SPATA20: variants seen among roughly 807,000 people sequenced by gnomAD.
SPATA20 encodes the protein spermatogenesis-associated protein 20.
In SPATA20, 74 loss-of-function variants were observed where a neutral mutation model predicts 98.9. The observed-to-expected ratio is 0.75, with a 90% CI of 0.62 to 0.91. SPATA20 has a LOEUF of 0.91. Among genes scored for constraint, SPATA20 ranks in the 40% least tolerant of loss-of-function variants. The probability of loss-of-function intolerance (pLI) is 0.00; values close to 1 mark genes in which losing one functional copy is unlikely to be tolerated. For synonymous variants in SPATA20, 430 were observed against 440.5 expected (o/e 0.98, Z 0.30); for missense variants, 1,016 against 1,069.8 (o/e 0.95, Z 0.70).
intron 13 of SPATA20, 116 bp from the exon 14 acceptor site, chr17:50,551,849 ACCTG>A: frequency 8.3e-7 from 1 of 1,206,306 alleles, no homozygotes; most frequent in East Asian, 2.6e-5. Flanking sequence ...GGCTGATGGC[ACCTG>A]CCCAAGAGGG....
chr17:50,548,516 C>T, intron 3 of SPATA20, 38 bp from the exon 4 acceptor site: 4 of 1,613,374 alleles, frequency 2.5e-6, no homozygotes, highest in Non-Finnish European at 3.4e-6. Flanking sequence ...CCCAGACCCC[C>T]TGGGCTACTG....
intron 15 of SPATA20, 92 bp downstream of exon 15, chr17:50,554,542 C>T: frequency 7.4e-7 from 1 of 1,344,412 alleles, no homozygotes; most frequent in Middle Eastern, 2.5e-4. Flanking sequence ...GGTTCCTGGG[C>T]TGTCCCCAGA....
At chr17:50,547,966 G>A in intron 2 of SPATA20, 199 bp downstream of exon 2, 2 of 1,498,350 alleles carry the variant, frequency 1.3e-6, no homozygotes, top group South Asian at 2.6e-5. Flanking sequence ...CCTGGGGAGG[G>A]GTAAGAATGG....
chr17:50,551,719 C>G (rs774979650), intron 13 of SPATA20, 40 bp downstream of exon 13: 42 of 1,563,734 alleles, frequency 2.7e-5, no homozygotes, highest in Non-Finnish European at 3.6e-5. Context: ...GTCTCCCCAA[C>G]GCGTCCCCAG....
chr17:50,554,187 G>A, intron 14 of SPATA20, 64 bp from the exon 15 acceptor site: 1 of 1,498,008 alleles, frequency 6.7e-7, no homozygotes, highest in Non-Finnish European at 9.2e-7. Flanking sequence ...TACAGTCCTG[G>A]GCAGGGTCCT....
At position 50,550,591 on chromosome 17, in the gene SPATA20, C is replaced by A; in HGVS notation, c.1154C>A (p.Ala385Asp). The change falls in exon 10 of 17, where the codon GCT becomes GAT. Residue 385 changes from alanine to aspartate, a missense_variant. Coordinates refer to ENST00000006658, the MANE Select transcript of SPATA20 (RefSeq NM_022827.4). ...GCCAAAGGCATCCTGCAGTACGTGG[C>A]TCGGAGCCTGAGCCACCGGGTGTGT... Reference protein sequence around the residue: ...DVAKGILQYVARSLSHRSGGF... With the variant: ...DVAKGILQYVDRSLSHRSGGF... 1 of 1,614,148 alleles carries A rather than the reference C, an allele frequency of 6.2e-7. No individual in the cohort carries two copies. Among genetic ancestry groups the A allele is most frequent in the Admixed American group, 1.7e-5 (1 of 60,038 alleles).
Position 50,555,599 on chromosome 17 carries a change from G to C in SPATA20, c.2346G>C (p.Glu782Asp), listed in dbSNP as rs910130109. 1.2e-6 allele frequency: 2 copies of C among 1,613,990 alleles called. No individual in the cohort carries two copies. Among genetic ancestry groups the C allele is most frequent in the African/African-American group, 1.3e-5 (1 of 74,902 alleles). The change falls in exon 17 of 17, where the codon GAG (glutamate) becomes GAC (aspartate). Residue 782 changes from glutamate (E) to aspartate (D), a missense_variant. Transcript: ENST00000006658. ...ACCAGGCCACTGCATATGTGTGTGA[G>C]AATCAAGCCTGCTCAGTGCCCATCA... ...LEDQATAYVC[E>D]NQACSVPITD...
intron 1 of SPATA20, 50 bp from the exon 2 acceptor site, chr17:50,547,670 C>T: frequency 1.3e-6 from 1 of 780,716 alleles, no homozygotes; most frequent in South Asian, 1.3e-5. Context: ...TTTAGGTCTG[C>T]CTGCAGTCCC....
At position 50,549,325 on chromosome 17, in the gene SPATA20, C is replaced by A. The variant is rs201320543; in HGVS notation, c.700C>A (p.Arg234Ser). The A allele has an allele frequency of 2.5e-6, 4 of 1,612,388 alleles. No individual in the cohort carries two copies. In the African/African-American group the frequency reaches 5.3e-5, roughly 22 times the overall value. The change falls in exon 7 of 17, where the codon CGT (arginine) becomes AGT (serine). Residue 234 changes from arginine (R) to serine (S), a missense_variant. Arg to Ser is a moderately radical substitution (Grantham distance 110, BLOSUM62 -1). Transcript: ENST00000006658. ...GAACACCCTGCTAGAAAATAGCCAG[C>A]GTGTCACCACTGCCCTGCTGGCCCG... ...NKNTLLENSQRVTTALLARSE... is the reference protein window; with the variant it reads ...NKNTLLENSQSVTTALLARSE...
intron 14 of SPATA20, 140 bp from the exon 15 acceptor site, chr17:50,554,111 C>G (rs2035056050): frequency 1.4e-6 from 1 of 721,698 alleles, no homozygotes; most frequent in Non-Finnish European, 2.4e-6. Flanking sequence ...GCATCCACAC[C>G]CAGAGCGGGG....
Position 50,555,575 on chromosome 17 carries a change from C to T in SPATA20, c.2322C>T (p.Asp774=), listed in dbSNP as rs1332992552. 6.2e-7 allele frequency: 1 copy of T among 1,614,090 alleles called. No individual in the cohort carries two copies. Among genetic ancestry groups the T allele is most frequent in the Non-Finnish European group, 8.5e-7 (1 of 1,180,006 alleles). Residue 774 remains aspartate (D), a synonymous_variant, in exon 17 of 17, where the codon GAC becomes GAT. Transcript: ENST00000006658. The stretch of plus-strand genomic sequence containing the variant: ...TGAGTACCCTCCGACGGTTGGAAGA[C>T]CAGGCCACTGCATATGTGTGTGAGA... The part of the protein sequence containing the change: ...PFLSTLRRLE[D]QATAYVCENQ...
At chr17:50,554,930 A>T (rs1180092657) in intron 15 of SPATA20, among the ~76,000 whole-genome samples, 47 of 92,654 alleles carry the variant, frequency 5.1e-4, no homozygotes, top group Non-Finnish European at 5.8e-4. Flanking sequence ...TGTGTGTGTG[A>T]CTACTCTGTG....
chr17:50,548,723 G>T, intron 4 of SPATA20, 87 bp from the exon 5 acceptor site: 1 of 1,589,926 alleles, frequency 6.3e-7, no homozygotes, highest in East Asian at 2.3e-5. Context: ...TAGAGGCCAG[G>T]ACGTCTTCCA....
In SPATA20 at chr17:50,554,416, G is replaced by A. The variant is rs189820056; in HGVS notation, c.2123G>A (p.Arg708His). Residue 708 changes from arginine to histidine, a missense_variant, in exon 15 of 17, where the codon CGC becomes CAC. By Grantham distance (29) the Arg-to-His change is conservative. Coordinates refer to ENST00000006658, the MANE Select transcript of SPATA20 (RefSeq NM_022827.4). ...CCGGTGGCGTTGCCCGAGATGGTCC[G>A]CGCCCTCTCAGCCCAGCAGCAGACC... ...RVPVALPEMV[R>H]ALSAQQQTLK... is the part of the protein sequence containing the mutation. 94 of 1,613,262 alleles carry A rather than the reference G, an allele frequency of 5.8e-5. No homozygotes were observed. Among genetic ancestry groups the A allele is most frequent in the East Asian group, 6.7e-5 (3 of 44,890 alleles).
At chr17:50,554,695 T>G (rs1312316477) in intron 15 of SPATA20, among the ~76,000 whole-genome samples, 1 of 152,154 alleles carries the variant, frequency 6.6e-6, no homozygotes, top group Non-Finnish European at 1.5e-5. Context: ...GTTACTGGTG[T>G]GTGTGTACTT....
chr17:50,547,792 C>T (rs2034937869), intron 2 of SPATA20, 25 bp downstream of exon 2: 1 of 799,020 alleles, frequency 1.3e-6, no homozygotes, highest in Non-Finnish European at 2.3e-6. Flanking sequence ...AGGGAGTCCC[C>T]ATGTCTGGTT....
chr17:50,549,412 T>G lies in SPATA20; in HGVS notation c.787T>G (p.Cys263Gly), dbSNP rs1433832734. ...CTCTGCCGCCACCGTGAACAATCGC[T>G]GCTTCCAGCAGCTGGATGAGGGCTA... The part of the protein sequence containing the change: ...PPSAATVNNR[C>G]FQQLDEGYDE... The change falls in exon 7 of 17, where the codon TGC becomes GGC. Residue 263 changes from cysteine to glycine, a missense_variant. Cys to Gly is a radical substitution (Grantham distance 159). Coordinates refer to ENST00000006658, the MANE Select transcript of SPATA20 (RefSeq NM_022827.4). The G allele has an allele frequency of 1.2e-6, 2 of 1,612,652 alleles. No individual in the cohort carries two copies.
rs1447320880 is a variant in SPATA20, at chr17:50,547,256, C to T, written c.48C>T (p.Arg16=). Reference sequence around the variant, plus strand: ...TGGGCCGCGTCCTTCTGCTGCCCCGCGCCGGTGCAGGCCTCGCCGCGAGCC... The same window carrying T: ...TGGGCCGCGTCCTTCTGCTGCCCCGTGCCGGTGCAGGCCTCGCCGCGAGCC... ...AWLGRVLLLP[R]AGAGLAASRR... Residue 16 remains arginine (R), a synonymous_variant, in exon 1 of 17, where the codon CGC becomes CGT. Transcript: ENST00000006658. 1 of 1,397,104 alleles carries T rather than the reference C, an allele frequency of 7.2e-7. No homozygotes were observed. Among genetic ancestry groups the T allele is most frequent in the Non-Finnish European group, 9.2e-7 (1 of 1,086,818 alleles). The allele number at this position is 1,397,104 out of a possible 1,614,324, so 86.5% of individuals were successfully genotyped here.
chr17:50,547,995 G>A (rs567036119), intron 2 of SPATA20: 1 of 1,482,622 alleles, frequency 6.7e-7, no homozygotes, highest in African/African-American at 1.4e-5. Flanking sequence ...GAACCATTCT[G>A]CCCATTGTGA....
Sources: allele counts gnomAD v4.1 joint callset (sites outside exome capture counted in the v4.1 genomes callset), GRCh38; gene constraint gnomAD v4.1.1; transcripts MANE v1.5; gene names NCBI Gene and HGNC (gene_info 2026-07-23, HGNC 2026-07-21).